WAPL: variants seen among roughly 807,000 people sequenced by gnomAD.
WAPL encodes the protein wings apart-like protein homolog.
Under a neutral mutation model 121.0 loss-of-function variants are expected in WAPL, and 5 were observed. The observed-to-expected ratio is 0.04, with a 90% CI of 0.02 to 0.09. The LOEUF (loss-of-function observed/expected upper bound fraction) is 0.09, where lower values mean the gene tolerates loss of function less well. Ranked by LOEUF, WAPL falls within the 10% of genes least tolerant of loss-of-function variation. The probability of loss-of-function intolerance (pLI) is 1.00; values close to 1 mark genes in which losing one functional copy is unlikely to be tolerated. For missense variants in WAPL, 999 were observed against 1,410.8 expected (o/e 0.71, Z 4.68); for synonymous variants, 480 against 481.5 (o/e 1.00, Z 0.04).
chr10:86,473,757 GA>G, intron 5 of WAPL, 120 bp downstream of exon 5: 1 of 748,712 alleles, frequency 1.3e-6, no homozygotes, highest in Non-Finnish European at 2.1e-6. Flanking sequence ...TTTCAGTAAA[GA>G]AAGCCAAAAT....
At chr10:86,520,766 TAAAAAAAAAAAA>T (rs10574217) in intron 1 of WAPL, among the ~76,000 whole-genome samples, 1 of 98,100 alleles carries the variant, frequency 1.0e-5, no homozygotes, top group Non-Finnish European at 2.1e-5. Context: ...CGCTGTGATT[TAAAAAAAAAAAA>T]AAAAAAAAAA....
chr10:86,512,524 C>T (rs185291951), intron 2 of WAPL, among the ~76,000 whole-genome samples: 4 of 152,288 alleles, frequency 2.6e-5, no homozygotes, highest in East Asian at 3.9e-4. Flanking sequence ...CTTCTTTTTG[C>T]CTCTACTACC....
chr10:86,457,655 TAAAG>T (rs1187812905), intron 12 of WAPL, among the ~76,000 whole-genome samples: 2 of 150,124 alleles, frequency 1.3e-5, no homozygotes, highest in African/African-American at 2.5e-5. Context: ...TAAAATAAAA[TAAAG>T]AAAAATAAAA....
chr10:86,452,163 G>A, intron 14 of WAPL, 32 bp from the exon 15 acceptor site: 1 of 1,599,264 alleles, frequency 6.3e-7, no homozygotes, highest in Non-Finnish European at 8.5e-7. Context: ...CATATTATCA[G>A]AGATGAGTAC....
intron 2 of WAPL, among the ~76,000 whole-genome samples, chr10:86,508,755 G>GTTTTTTTT (rs1330971315): frequency 1.1e-5 from 1 of 90,690 alleles, no homozygotes; most frequent in African/African-American, 4.8e-5. Context: ...AGTATTGAAA[G>GTTTTTTTT]TTCTTTTTTT....
At position 86,521,367 on chromosome 10, in the gene WAPL, T is replaced by A. The variant is rs946976318; in HGVS notation, c.-25A>T. ...CGGCCGCCCGACACCTCACTTACCC[T>A]CGGAGCCTGGCGGGTGCTTTGGCCA... On this transcript the variant is annotated splice_region_variant and 5_prime_UTR_variant, in exon 1 of 19. Transcript: ENST00000298767. The A allele has an allele frequency of 2.1e-5, 6 of 281,692 alleles. No individual in the cohort carries two copies. The highest frequency in any genetic ancestry group is 6.1e-5 in the Admixed American group (1 of 16,272). The allele number at this position is 281,692 out of a possible 1,614,324, so 17.4% of individuals were successfully genotyped here. A position where few individuals can be genotyped will look rare whatever the true frequency, so the allele number is the denominator to read the frequency against.
At position 86,436,976 on chromosome 10, in the gene WAPL, A is replaced by G. The variant is rs1849339416; in HGVS notation, c.*567T>C. On this transcript the variant is annotated 3_prime_UTR_variant, in exon 19 of 19. Coordinates refer to ENST00000298767, the MANE Select transcript of WAPL (RefSeq NM_015045.5). Reference sequence around the variant, plus strand: ...CTTTGGATTCCATCTAATTTTAAATATAGACAGTAGTTCAGGGAACAACAA... The same window carrying G: ...CTTTGGATTCCATCTAATTTTAAATGTAGACAGTAGTTCAGGGAACAACAA... The G allele has an allele frequency of 6.5e-6, 1 of 152,686 alleles. No homozygotes were observed. The highest frequency in any genetic ancestry group is 2.4e-5 in the African/African-American group (1 of 41,468). 9.5% of individuals were successfully genotyped at this position (152,686 alleles called of 1,614,324 possible). A position where few individuals can be genotyped will look rare whatever the true frequency, so the allele number is the denominator to read the frequency against.
At chr10:86,485,457 A>G (rs757117532) in intron 4 of WAPL, among the ~76,000 whole-genome samples, 7 of 152,170 alleles carry the variant, frequency 4.6e-5, no homozygotes, top group Non-Finnish European at 1.0e-4. Context: ...GAATCACTTG[A>G]ACCCAAGAGA....
intron 2 of WAPL, among the ~76,000 whole-genome samples, chr10:86,510,237 G>C (rs544200597): frequency 3.9e-4 from 59 of 151,620 alleles, no homozygotes; most frequent in African/African-American, 1.2e-3. Flanking sequence ...ACCACGCCTG[G>C]CTAATTTTTG....
chr10:86,506,483 T>C (rs1301258603), intron 2 of WAPL, among the ~76,000 whole-genome samples: 2 of 152,218 alleles, frequency 1.3e-5, no homozygotes, highest in African/African-American at 4.8e-5. Context: ...TATTTTAAAA[T>C]GTCAATATTG....
chr10:86,512,603 C>T (rs1842486532), intron 2 of WAPL, among the ~76,000 whole-genome samples: 2 of 152,212 alleles, frequency 1.3e-5, no homozygotes, highest in Admixed American at 6.5e-5. Context: ...TTAGCTCCTG[C>T]TAACAGTCAT....
chr10:86,516,136 G>T (rs1023422331), intron 2 of WAPL, among the ~76,000 whole-genome samples: 1 of 152,096 alleles, frequency 6.6e-6, no homozygotes, highest in African/African-American at 2.4e-5. Flanking sequence ...CCAAAGTGCT[G>T]GGATTACAGG....
intron 2 of WAPL, among the ~76,000 whole-genome samples, chr10:86,505,307 T>TTTTTTTTTTTTTC (rs1842327227): frequency 7.4e-6 from 1 of 134,846 alleles, no homozygotes; most frequent in Non-Finnish European, 1.6e-5. Flanking sequence ...ACTCTTTTTT[T>TTTTTTTTTTTTTC]TTTTTTTTTT....
intron 12 of WAPL, among the ~76,000 whole-genome samples, chr10:86,454,841 G>C (rs1006308576): frequency 1.3e-5 from 2 of 150,054 alleles, no homozygotes; most frequent in Non-Finnish European, 3.0e-5. Context: ...ACCTCTGCCC[G>C]GCCGCGACCC....
intron 2 of WAPL, among the ~76,000 whole-genome samples, chr10:86,505,569 G>C (rs1842333836): frequency 6.6e-6 from 1 of 151,980 alleles, no homozygotes; most frequent in African/African-American, 2.4e-5. Context: ...TTACAGGCAT[G>C]AGCCACCGCG....
intron 16 of WAPL, 121 bp from the exon 17 acceptor site, chr10:86,443,484 A>G: frequency 1.5e-6 from 1 of 650,696 alleles, no homozygotes; most frequent in Admixed American, 2.9e-5. Flanking sequence ...TGATGCTAGG[A>G]CAACTGGATA....
chr10:86,500,272 T>C lies in WAPL; in HGVS notation c.971A>G (p.Lys324Arg). The C allele has an allele frequency of 6.2e-7, 1 of 1,614,224 alleles. No homozygotes were observed. The highest frequency in any genetic ancestry group is 8.5e-7 in the Non-Finnish European group (1 of 1,180,034). Residue 324 changes from lysine to arginine, a missense_variant, in exon 3 of 19, where the codon AAA becomes AGA. Transcript: ENST00000298767. ...LMDGTSQALA[K>R]ANSESSKDGL... ...ATCTTTACTCGATTCACTGTTTGCT[T>C]TGGCTAAGGCCTGACTGGTGCCGTC...
intron 9 of WAPL, among the ~76,000 whole-genome samples, chr10:86,466,504 A>G (rs1378755104): frequency 6.6e-6 from 1 of 152,096 alleles, no homozygotes; most frequent in East Asian, 1.9e-4. Context: ...CAGGGGTTTG[A>G]GGCTGCAGTG....
intron 4 of WAPL, among the ~76,000 whole-genome samples, chr10:86,495,241 C>A (rs1842127516): frequency 6.6e-6 from 1 of 152,146 alleles, no homozygotes; most frequent in Admixed American, 6.6e-5. Flanking sequence ...CCAAGGCAGG[C>A]AGATAGCCTG....
Sources: gnomAD v4.1 joint callset for allele counts (sites outside exome capture counted in the v4.1 genomes callset) on GRCh38, gnomAD v4.1.1 for gene constraint, MANE v1.5 for transcripts, NCBI Gene and HGNC (gene_info 2026-07-23, HGNC 2026-07-21) for gene names.